RAB3IP: variants seen among roughly 807,000 people sequenced by gnomAD.
The protein encoded by RAB3IP is rab-3A-interacting protein.
RAB3IP carries 36 observed loss-of-function variants against 59.1 expected under a neutral mutation model. The observed-to-expected ratio is 0.61, with a 90% CI of 0.47 to 0.80. RAB3IP has a LOEUF of 0.80. RAB3IP is among the 30% of genes least tolerant of loss of function. RAB3IP has a pLI of 0.00. For missense variants in RAB3IP, 511 were observed against 536.0 expected, an observed-to-expected ratio of 0.95 and a Z score of 0.46; for synonymous variants, 207 against 191.2, an observed-to-expected ratio of 1.08 and a Z score of -0.68.
At chr12:69,809,927 TC>T in intron 8 of RAB3IP, among the ~76,000 whole-genome samples, 1 of 152,354 alleles carries the variant, frequency 6.6e-6, no homozygotes, top group South Asian at 2.1e-4. Context: ...CCAGCTTTGT[TC>T]CGTTGCTGGT....
At position 69,795,293 on chromosome 12, in the gene RAB3IP, C is replaced by T. The variant is rs1446064289; in HGVS notation, c.837C>T (p.Gly279=). The change falls in exon 6 of 11, where the codon GGC becomes GGT. Residue 279 remains glycine, a synonymous_variant. Transcript: ENST00000247833. The part of the protein sequence containing the change: ...RNKSTSSAMS[G]SHQDLSVIQP... The stretch of plus-strand genomic sequence containing the variant: ...AAAGCACAAGCAGTGCTATGAGTGG[C>T]AGTCATCAGGACCTCAGTGTGATAC... 1 of 1,613,934 alleles carries T rather than the reference C, an allele frequency of 6.2e-7. No individual in the cohort carries two copies. The highest frequency in any genetic ancestry group is 1.3e-5 in the African/African-American group (1 of 74,912).
At chr12:69,780,220 C>A (rs568358007) in intron 3 of RAB3IP, among the ~76,000 whole-genome samples, 2 of 152,324 alleles carry the variant, frequency 1.3e-5, no homozygotes, top group East Asian at 3.9e-4. Context: ...CCCCGCAATT[C>A]CCTGCACAGA....
At chr12:69,758,896 G>A (rs975173104) in intron 3 of RAB3IP, among the ~76,000 whole-genome samples, 8 of 148,224 alleles carry the variant, frequency 5.4e-5, no homozygotes, top group African/African-American at 2.0e-4. Flanking sequence ...TTTGTCTTCC[G>A]GCATCTATCA....
In RAB3IP at chr12:69,815,405, A is replaced by C. The variant is rs140946398; in HGVS notation, c.1342A>C (p.Met448Leu). The C allele has an allele frequency of 9.3e-6, 15 of 1,613,098 alleles. No individual in the cohort carries two copies. The Admixed American group carries it at 2.5e-4, about 27-fold the overall frequency. Residue 448 changes from methionine (M) to leucine (L), a missense_variant, in exon 11 of 11, where the codon ATG becomes CTG. By Grantham distance (15) the Met-to-Leu change is conservative. Coordinates refer to ENST00000247833, the MANE Select transcript of RAB3IP (RefSeq NM_022456.5). Reference protein sequence around the residue: ...FWEVMQLRKEMSLAKLGYFKE... With the variant: ...FWEVMQLRKELSLAKLGYFKE... ...GGAGGTTATGCAGTTGAGAAAAGAG[A>C]TGTCATTGGCAAAGCTGGGTTATTT... is the stretch of plus-strand genomic sequence containing the variant.
chr12:69,746,253 G>A (rs1383781280), intron 1 of RAB3IP, among the ~76,000 whole-genome samples: 2 of 150,320 alleles, frequency 1.3e-5, no homozygotes, highest in Non-Finnish European at 3.0e-5. Flanking sequence ...CATCTCTTCA[G>A]GATAAACTTT....
At chr12:69,742,232 G>A (rs961076884) in intron 1 of RAB3IP, among the ~76,000 whole-genome samples, 7 of 152,260 alleles carry the variant, frequency 4.6e-5, no homozygotes, top group African/African-American at 7.2e-5. Flanking sequence ...AAGGGAGTAC[G>A]CTTTTTCACA....
chr12:69,804,466 G>A (rs1474609055), intron 8 of RAB3IP, among the ~76,000 whole-genome samples: 1 of 152,160 alleles, frequency 6.6e-6, no homozygotes, highest in African/African-American at 2.4e-5. Flanking sequence ...TCTGATGGTG[G>A]TTTCTTTTGT....
intron 1 of RAB3IP, chr12:69,739,362 G>C (rs1602956): frequency 0.085 from 13,151 of 154,106 alleles, 997 homozygotes; most frequent in East Asian, 0.39. Flanking sequence ...TTAACTGCGC[G>C]GTCCCGCGCG....
chr12:69,743,685 G>C (rs1040761601), intron 1 of RAB3IP, among the ~76,000 whole-genome samples: 1 of 150,830 alleles, frequency 6.6e-6, no homozygotes. Context: ...GAACTAGAAG[G>C]AAGGTTTTCT....
At chr12:69,809,798 C>T (rs964586081) in intron 8 of RAB3IP, among the ~76,000 whole-genome samples, 14 of 151,636 alleles carry the variant, frequency 9.2e-5, no homozygotes, top group African/African-American at 2.4e-4. Context: ...GTTATCCATT[C>T]GTCTAATTTT....
intron 1 of RAB3IP, among the ~76,000 whole-genome samples, chr12:69,748,672 A>G (rs1450444658): frequency 6.6e-6 from 1 of 152,204 alleles, no homozygotes; most frequent in Non-Finnish European, 1.5e-5. Flanking sequence ...TCTTTTTTAC[A>G]TATTGGTCAT....
At chr12:69,768,413 A>T (rs949964968) in intron 3 of RAB3IP, among the ~76,000 whole-genome samples, 1 of 152,160 alleles carries the variant, frequency 6.6e-6, no homozygotes, top group Non-Finnish European at 1.5e-5. Flanking sequence ...GCTGCTGGTC[A>T]AGAAAAGTAG....
At chr12:69,768,119 G>C (rs1872520486) in intron 3 of RAB3IP, among the ~76,000 whole-genome samples, 1 of 152,028 alleles carries the variant, frequency 6.6e-6, no homozygotes, top group Non-Finnish European at 1.5e-5. Flanking sequence ...TGGGTGTGTA[G>C]TGGAGAGGAC....
At position 69,756,380 on chromosome 12, in the gene RAB3IP, T is replaced by G. The variant is rs780721098; in HGVS notation, c.252-25T>G. On this transcript the variant is annotated intron_variant, in intron 2 of 10. Transcript: ENST00000247833. Reference sequence around the variant, plus strand: ...TATTGGAGCATATGCTGATATTTTCTGAAAAATGTCTCTCTCCTTTACAGC... The same window carrying G: ...TATTGGAGCATATGCTGATATTTTCGGAAAAATGTCTCTCTCCTTTACAGC... 2.5e-6 allele frequency: 4 copies of G among 1,608,942 alleles called. No homozygotes were observed. The South Asian group carries it at 4.4e-5, about 18-fold the overall frequency.
chr12:69,822,143 G>A lies in RAB3IP; in HGVS notation c.*6697G>A, dbSNP rs1881814692. Reference sequence around the variant, plus strand: ...TTCTCTTGGAGTCTAGGGTTAGCCAGAGGCTACATGTTTTAGGCATCTTAA... The same window carrying A: ...TTCTCTTGGAGTCTAGGGTTAGCCAAAGGCTACATGTTTTAGGCATCTTAA... On this transcript the variant is annotated 3_prime_UTR_variant, in exon 11 of 11. Coordinates refer to ENST00000247833, the MANE Select transcript of RAB3IP (RefSeq NM_022456.5). The A allele has an allele frequency of 6.6e-6, 1 of 152,138 alleles. No individual in the cohort carries two copies. The highest frequency in any genetic ancestry group is 1.5e-5 in the Non-Finnish European group (1 of 68,040). 9.4% of individuals were successfully genotyped at this position (152,138 alleles called of 1,614,324 possible). A position where few individuals can be genotyped will look rare whatever the true frequency, so the allele number is the denominator to read the frequency against.
chr12:69,758,330 T>A (rs997935303), intron 3 of RAB3IP, among the ~76,000 whole-genome samples: 2 of 152,246 alleles, frequency 1.3e-5, no homozygotes, highest in Admixed American at 6.5e-5. Context: ...ATGGTATAGT[T>A]TGGTTTAAAT....
chr12:69,792,105 G>A (rs1196534000), intron 4 of RAB3IP, among the ~76,000 whole-genome samples: 1 of 152,150 alleles, frequency 6.6e-6, no homozygotes, highest in Non-Finnish European at 1.5e-5. Flanking sequence ...ATCTAAAATA[G>A]TCGAGCTCAT....
At chr12:69,754,809 A>C (rs1377495964) in intron 1 of RAB3IP, among the ~76,000 whole-genome samples, 1 of 152,232 alleles carries the variant, frequency 6.6e-6, no homozygotes, top group Non-Finnish European at 1.5e-5. Flanking sequence ...ATTGAGTCTA[A>C]GATTGCATAA....
chr12:69,788,704 G>A (rs975697583), intron 4 of RAB3IP, among the ~76,000 whole-genome samples: 1 of 152,030 alleles, frequency 6.6e-6, no homozygotes, highest in Non-Finnish European at 1.5e-5. Flanking sequence ...TAGACCAAAT[G>A]GATCTAACAG....
Sources: allele counts gnomAD v4.1 joint callset (sites outside exome capture counted in the v4.1 genomes callset), GRCh38; gene constraint gnomAD v4.1.1; transcripts MANE v1.5; gene names NCBI Gene and HGNC (gene_info 2026-07-23, HGNC 2026-07-21).